PBX1: variants seen among roughly 807,000 people sequenced by gnomAD.
PBX1 encodes pre-B-cell leukemia transcription factor 1.
In PBX1, 6 loss-of-function variants were observed where a neutral mutation model predicts 53.4. That is an observed-to-expected ratio of 0.11 (90% CI 0.06 to 0.22). PBX1 has a LOEUF of 0.22. Among genes scored for constraint, PBX1 ranks in the 10% least tolerant of loss-of-function variants. PBX1 has a pLI of 1.00. For missense variants in PBX1, 251 were observed against 551.4 expected, an observed-to-expected ratio of 0.46 and a Z score of 5.46; for synonymous variants, 204 against 212.3, an observed-to-expected ratio of 0.96 and a Z score of 0.34.
chr1:164,677,648 C>T (rs543124674), intron 2 of PBX1, among the ~76,000 whole-genome samples: 8 of 152,086 alleles, frequency 5.3e-5, no homozygotes, highest in Admixed American at 1.3e-4. Flanking sequence ...TTAAGGTTGG[C>T]TTCATTGAGA....
intron 2 of PBX1, among the ~76,000 whole-genome samples, chr1:164,871,455 C>A (rs1208320725): frequency 6.6e-6 from 1 of 152,232 alleles, no homozygotes; most frequent in Non-Finnish European, 1.5e-5. Flanking sequence ...TGTGCATATG[C>A]ACACAGGCAC....
chr1:164,839,809 T>G (rs1443346238), intron 8 of PBX1, among the ~76,000 whole-genome samples: 4 of 152,080 alleles, frequency 2.6e-5, no homozygotes, highest in African/African-American at 9.7e-5. Flanking sequence ...AAACAAGATC[T>G]CAGGATTCAA....
intron 2 of PBX1, among the ~76,000 whole-genome samples, chr1:164,649,949 G>A (rs1223197634): frequency 6.6e-6 from 1 of 152,022 alleles, no homozygotes; most frequent in African/African-American, 2.4e-5. Flanking sequence ...AAAAAACAAA[G>A]ATATTTGGCT....
intron 2 of PBX1, among the ~76,000 whole-genome samples, chr1:164,583,397 C>T (rs1173821491): frequency 6.6e-6 from 1 of 152,074 alleles, no homozygotes; most frequent in Non-Finnish European, 1.5e-5. Context: ...GGGTTCCATT[C>T]CTGGGCTAAC....
chr1:164,621,009 A>G (rs1301823748), intron 2 of PBX1, among the ~76,000 whole-genome samples: 3 of 148,180 alleles, frequency 2.0e-5, no homozygotes, highest in Non-Finnish European at 4.5e-5. Flanking sequence ...TAATTTTTTG[A>G]GATGGAGTCT....
chr1:164,610,251 GCT>G (rs1656822393), intron 2 of PBX1, among the ~76,000 whole-genome samples: 1 of 152,108 alleles, frequency 6.6e-6, no homozygotes, highest in Non-Finnish European at 1.5e-5. Context: ...AGAAATGTAA[GCT>G]CTGAGCTTGA....
At chr1:164,637,889 T>C (rs1357498041) in intron 2 of PBX1, among the ~76,000 whole-genome samples, 2 of 152,150 alleles carry the variant, frequency 1.3e-5, no homozygotes, top group Non-Finnish European at 2.9e-5. Flanking sequence ...TTCTTACTCA[T>C]CTCTCTGGCA....
chr1:164,853,788 A>T (rs1338676160), downstream of PBX1, among the ~76,000 whole-genome samples: 1 of 152,124 alleles, frequency 6.6e-6, no homozygotes, highest in Non-Finnish European at 1.5e-5. Context: ...CAGTCATCTT[A>T]AAGAGTATGG....
intron 4 of PBX1, among the ~76,000 whole-genome samples, chr1:164,800,929 C>A (rs976453300): frequency 1.3e-5 from 2 of 152,094 alleles, no homozygotes; most frequent in African/African-American, 4.8e-5. Context: ...TTTATTACTC[C>A]TCTTGAATTT....
intron 2 of PBX1, among the ~76,000 whole-genome samples, chr1:164,565,365 A>AG (rs1225827951): frequency 6.6e-6 from 1 of 152,104 alleles, no homozygotes; most frequent in Non-Finnish European, 1.5e-5. Flanking sequence ...ATTTAAAAAA[A>AG]CAATTTACAA....
intron 8 of PBX1, chr1:164,828,414 A>G (rs1670579590): frequency 6.6e-6 from 1 of 152,238 alleles, no homozygotes; most frequent in Non-Finnish European, 1.5e-5. Flanking sequence ...TTCCAATGCC[A>G]GTTCCATTTA....
At position 164,842,198 on chromosome 1, in the gene PBX1, C is replaced by G. The variant is rs1314355823; in HGVS notation, c.1201-4386C>G. Among the ~76,000 whole-genome samples the G allele has an allele frequency of 2.6e-5, 4 of 152,268 alleles. No homozygotes were observed. In the South Asian group the frequency reaches 6.2e-4, roughly 24 times the overall value. On this transcript the variant is annotated intron_variant, in intron 8 of 8. Coordinates refer to ENST00000420696, the MANE Select transcript of PBX1 (RefSeq NM_002585.4). ...GAAGCAACTATCTGTGGTCCCCGTT[C>G]TGGTTCAAGGAGGGTGGTAGAGAAA...
At chr1:164,603,639 T>C (rs1056160162) in intron 2 of PBX1, among the ~76,000 whole-genome samples, 1 of 152,210 alleles carries the variant, frequency 6.6e-6, no homozygotes, top group African/African-American at 2.4e-5. Context: ...TAACAGACTT[T>C]TCAGTTTGTT....
At chr1:164,833,652 T>C (rs796999213) in intron 8 of PBX1, among the ~76,000 whole-genome samples, 8 of 152,250 alleles carry the variant, frequency 5.3e-5, no homozygotes, top group African/African-American at 1.9e-4. Flanking sequence ...AAGAGAAGGA[T>C]CATAGTTTTA....
At chr1:164,723,494 T>C (rs1664519101) in intron 2 of PBX1, among the ~76,000 whole-genome samples, 1 of 152,032 alleles carries the variant, frequency 6.6e-6, no homozygotes, top group Non-Finnish European at 1.5e-5. Flanking sequence ...ATGAAAGGGG[T>C]TGCAGGGAGA....
intron 2 of PBX1, among the ~76,000 whole-genome samples, chr1:164,760,409 T>C (rs1160055544): frequency 3.6e-5 from 5 of 139,752 alleles, no homozygotes; most frequent in Admixed American, 1.5e-4. Context: ...CCTTTCCTCC[T>C]TCCATCCCTC....
chr1:164,834,757 A>G (rs1390177726), intron 8 of PBX1, among the ~76,000 whole-genome samples: 1 of 152,226 alleles, frequency 6.6e-6, no homozygotes, highest in Non-Finnish European at 1.5e-5. Flanking sequence ...CTCTGGGGAA[A>G]AGAGTCTGAG....
At chr1:164,635,280 TGCTGCCACC>T (rs1317524375) in intron 2 of PBX1, among the ~76,000 whole-genome samples, 2 of 152,046 alleles carry the variant, frequency 1.3e-5, no homozygotes, top group East Asian at 3.9e-4. Flanking sequence ...TTGAATTTGC[TGCTGCCACC>T]GCTGCCACCA....
chr1:164,788,930 G>A (rs1668348256), intron 2 of PBX1, among the ~76,000 whole-genome samples: 1 of 152,078 alleles, frequency 6.6e-6, no homozygotes, highest in East Asian at 1.9e-4. Flanking sequence ...TTAACTCATA[G>A]TGAATTCAAA....
Sources: allele counts gnomAD v4.1 joint callset (sites outside exome capture counted in the v4.1 genomes callset), GRCh38; gene constraint gnomAD v4.1.1; transcripts MANE v1.5; gene names NCBI Gene and HGNC (gene_info 2026-07-23, HGNC 2026-07-21).